MYH1: variants seen among roughly 807,000 people sequenced by gnomAD.
MYH1 encodes myosin heavy chain 1.
A neutral mutation model predicts 225.6 loss-of-function variants in MYH1; 214 were observed. The ratio of observed to expected loss-of-function variants is 0.95; its 90% CI spans 0.85 to 1.06. MYH1 has a LOEUF of 1.06. MYH1 is among the 50% of genes least tolerant of loss of function. The pLI, the probability that MYH1 is intolerant of heterozygous loss-of-function variation, is 0.00. For missense variants in MYH1, 2,098 were observed against 2,344.2 expected (o/e 0.89, Z 2.17); for synonymous variants, 774 against 842.3 (o/e 0.92, Z 1.40).
At chr17:10,515,360 A>G (rs1317801141) in intron 5 of MYH1, among the ~76,000 whole-genome samples, 3 of 152,226 alleles carry the variant, frequency 2.0e-5, no homozygotes, top group African/African-American at 7.2e-5. Context: ...ATGAGGTAAG[A>G]GAGGATGCCT....
In MYH1 at chr17:10,514,069, C is replaced by T; in HGVS notation, c.589G>A (p.Ala197Thr). ...VNTKRVIQYF[A>T]TIAVTGEKKK... ...TTCTCCCCAGTAACTGCAATTGTTGCAAAGTACTGGATGACACGCTTGGTG... is the reference window on the plus strand; with the variant it reads ...TTCTCCCCAGTAACTGCAATTGTTGTAAAGTACTGGATGACACGCTTGGTG... The change falls in exon 7 of 40, where the codon GCA becomes ACA. Residue 197 changes from alanine to threonine, a missense_variant. Physicochemically the swap from Ala to Thr is moderately conservative, Grantham distance 58. Transcript: ENST00000226207. The T allele has an allele frequency of 6.2e-7, 1 of 1,614,194 alleles. No individual in the cohort carries two copies. Among genetic ancestry groups the T allele is most frequent in the Non-Finnish European group, 8.5e-7 (1 of 1,180,012 alleles).
At position 10,501,027 on chromosome 17, in the gene MYH1, G is replaced by A. The variant is rs915716648; in HGVS notation, c.3738+83C>T. 8 of 1,569,080 alleles carry A rather than the reference G, an allele frequency of 5.1e-6. No individual in the cohort carries two copies. In the African/African-American group the frequency reaches 9.5e-5, roughly 19 times the overall value. On this transcript the variant is annotated intron_variant, in intron 27 of 39. Coordinates refer to ENST00000226207, the MANE Select transcript of MYH1 (RefSeq NM_005963.4). ...AAAAAGGGTGCCTGATTTAGTTCAT[G>A]AGACGTTTTTGAGATACAAATCATA...
In MYH1 at chr17:10,512,944, ACT is replaced by A; in HGVS notation, c.825_826del (p.Arg275SerfsTer8). On this transcript the variant is annotated frameshift_variant, in exon 10 of 40. Transcript: ENST00000226207. LOFTEE classifies it high-confidence loss of function. ...TCTTTCAGCCTTTAGCTGGAAAGTAACTCTAGACTTCTCCAGAAGATCTGCAA... is the reference window on the plus strand; with the variant it reads ...TCTTTCAGCCTTTAGCTGGAAAGTAACTAGACTTCTCCAGAAGATCTGCAA... The A allele has an allele frequency of 6.2e-7, 1 of 1,612,944 alleles. No individual in the cohort carries two copies. Among genetic ancestry groups the A allele is most frequent in the South Asian group, 1.1e-5 (1 of 91,018 alleles).
rs750549444 is a variant in MYH1 at position 10,503,053 on chromosome 17, G to C, written c.2887C>G (p.Leu963Val). 1 of 1,613,352 alleles carries C rather than the reference G, an allele frequency of 6.2e-7. No homozygotes were observed. Among genetic ancestry groups the C allele is most frequent in the African/African-American group, 1.3e-5 (1 of 74,858 alleles). Residue 963 changes from leucine (L) to valine (V), a missense_variant, in exon 23 of 40, where the codon CTG becomes GTG. Physicochemically the swap from Leu to Val is conservative, Grantham distance 32. Transcript: ENST00000226207. Reference protein sequence around the residue: ...ELKKDIDDLELTLAKVEKEKH... With the variant: ...ELKKDIDDLEVTLAKVEKEKH... The stretch of plus-strand genomic sequence containing the variant: ...TCCTTCTCAACCTTGGCCAGTGTCA[G>C]CTCAAGGTCATCAATGTCTTTCTTG...
chr17:10,504,935 T>C lies in MYH1; in HGVS notation c.2566A>G (p.Met856Val), dbSNP rs1392435608. The change falls in exon 22 of 40, where the codon ATG becomes GTG. Residue 856 changes from methionine to valine, a missense_variant. Transcript: ENST00000226207. ...SAETEKEMAN[M>V]KEEFEKTKEE... Reference sequence around the variant, plus strand: ...TTGGTTTTCTCAAATTCTTCCTTCATGTTGGCCATCTCCTTCTCTGTCTCT... The same window carrying C: ...TTGGTTTTCTCAAATTCTTCCTTCACGTTGGCCATCTCCTTCTCTGTCTCT... 1.9e-6 allele frequency: 3 copies of C among 1,614,158 alleles called. No individual in the cohort carries two copies. Among genetic ancestry groups the C allele is most frequent in the Non-Finnish European group, 2.5e-6 (3 of 1,180,004 alleles).
rs928040615 is a variant in MYH1 at position 10,505,481 on chromosome 17, A to G, written c.2205T>C (p.Pro735=). The G allele has an allele frequency of 2.5e-6, 4 of 1,614,092 alleles. No individual in the cohort carries two copies. The Admixed American group carries it at 5.0e-5, about 20-fold the overall frequency. The stretch of plus-strand genomic sequence containing the variant: ...TCTTGCTATCGATGAATTGTCCTTC[A>G]GGGATAGCACTTGCATTTAACACCT... The part of the protein sequence containing the change: ...RYKVLNASAI[P]EGQFIDSKKA... The change falls in exon 20 of 40, where the codon CCT becomes CCC. Residue 735 remains proline (P), a synonymous_variant. Transcript: ENST00000226207.
intron 5 of MYH1, 69 bp from the exon 6 acceptor site, chr17:10,514,964 A>C: frequency 7.4e-7 from 1 of 1,353,696 alleles, no homozygotes; most frequent in Non-Finnish European, 1.1e-6. Context: ...ATAGTGAAAC[A>C]GGGCATTTGA....
Position 10,492,508 on chromosome 17 carries a change from C to T in MYH1, c.5728G>A (p.Ala1910Thr), listed in dbSNP as rs199500054. The stretch of plus-strand genomic sequence containing the variant: ...TCAGCAATGTCAGCCCGTTCCTCGG[C>T]CTCCTCCAGCTCGTGCTGGATCCTG... Reference protein sequence around the residue: ...FRRIQHELEEAEERADIAESQ... With the variant: ...FRRIQHELEETEERADIAESQ... The change falls in exon 40 of 40, where the codon GCC (alanine) becomes ACC (threonine). Residue 1910 changes from alanine (A) to threonine (T), a missense_variant. Physicochemically the swap from Ala to Thr is moderately conservative, Grantham distance 58. Coordinates refer to ENST00000226207, the MANE Select transcript of MYH1 (RefSeq NM_005963.4). The T allele has an allele frequency of 5.8e-4, 932 of 1,614,154 alleles. 11 individuals carry two copies. Among genetic ancestry groups the T allele is most frequent in the Non-Finnish European group, 2.5e-5 (30 of 1,180,024 alleles).
In MYH1 at chr17:10,498,627, T is replaced by C; in HGVS notation, c.4180A>G (p.Lys1394Glu). 6.2e-7 allele frequency: 1 copy of C among 1,614,024 alleles called. No homozygotes were observed. The highest frequency in any genetic ancestry group is 8.5e-7 in the Non-Finnish European group (1 of 1,179,872). The change falls in exon 30 of 40, where the codon AAG becomes GAG. Residue 1394 changes from lysine (K) to glutamate (E), a missense_variant and splice_region_variant. By Grantham distance (56) the Lys-to-Glu change is moderately conservative (BLOSUM62 1). Transcript: ENST00000226207. ...IQRTEELEEA[K>E]KKLAQRLQDA... ...ATTTTAACTAAGTCTGGAACATACT[T>C]GGCCTCCTCCAGCTCCTCTGTGCGC...
At position 10,497,524 on chromosome 17, in the gene MYH1, C is replaced by T. The variant is rs1016266418; in HGVS notation, c.4366-72G>A. The T allele has an allele frequency of 3.2e-6, 5 of 1,540,874 alleles. No homozygotes were observed. The African/African-American group carries it at 5.6e-5, about 17-fold the overall frequency. ...GAGATAAAAACCATCTATTCTAGCA[C>T]CTCTCAGAGTTGAGGTGTTCTGGGA... On this transcript the variant is annotated intron_variant, in intron 31 of 39. Transcript: ENST00000226207.
chr17:10,498,857 T>C, intron 29 of MYH1, 35 bp from the exon 30 acceptor site: 12 of 1,611,002 alleles, frequency 7.4e-6, no homozygotes, highest in Non-Finnish European at 9.3e-6. Context: ...TAATTTTATA[T>C]ATTTAAAGTG....
In MYH1 at chr17:10,511,858, G is replaced by T; in HGVS notation, c.1397C>A (p.Ala466Asp). 1 of 1,614,204 alleles carries T rather than the reference G, an allele frequency of 6.2e-7. No homozygotes were observed. Among genetic ancestry groups the T allele is most frequent in the Non-Finnish European group, 8.5e-7 (1 of 1,180,020 alleles). Residue 466 changes from alanine to aspartate, a missense_variant, in exon 14 of 40, where the codon GCT becomes GAT. Ala to Asp is a moderately radical substitution (Grantham distance 126, BLOSUM62 -2). Coordinates refer to ENST00000226207, the MANE Select transcript of MYH1 (RefSeq NM_005963.4). ...RQYFIGVLDI[A>D]GFEIFDFNSL... ...ACTCACATCAAAGATCTCAAAGCCA[G>T]CAATGTCCAAGACCCCAATGAAGTA... is the stretch of plus-strand genomic sequence containing the variant.
At chr17:10,504,556 T>C (rs1219949419) in intron 22 of MYH1, among the ~76,000 whole-genome samples, 1 of 152,242 alleles carries the variant, frequency 6.6e-6, no homozygotes, top group Admixed American at 6.5e-5. Flanking sequence ...TTATTTCCTG[T>C]TCACATTCTG....
intron 30 of MYH1, 101 bp downstream of exon 30, chr17:10,498,525 A>G: frequency 6.7e-7 from 1 of 1,502,836 alleles, no homozygotes; most frequent in Non-Finnish European, 9.1e-7. Flanking sequence ...AATTCCAACA[A>G]TATGGCTGTA....
Position 10,501,337 on chromosome 17 carries a change from G to T in MYH1, c.3511C>A (p.Arg1171=), listed in dbSNP as rs192282019. ...CGCATTTTCTGGAACTCAGCCTCCC[G>T]CTTCTTGTTCATCTCAATCTGGGCT... ...TSAQIEMNKK[R]EAEFQKMRRD... is the part of the protein sequence containing the mutation. Residue 1171 remains arginine (R), a synonymous_variant, in exon 27 of 40, where the codon CGG becomes AGG. Coordinates refer to ENST00000226207, the MANE Select transcript of MYH1 (RefSeq NM_005963.4). 3 of 1,614,126 alleles carry T rather than the reference G, an allele frequency of 1.9e-6. No individual in the cohort carries two copies. The highest frequency in any genetic ancestry group is 3.3e-5 in the Admixed American group (2 of 60,030).
In MYH1 at chr17:10,511,976, C is replaced by G. The variant is rs2073174183; in HGVS notation, c.1279G>C (p.Val427Leu). Reference protein sequence around the residue: ...GQTVQQVYNAVGALAKAVYDK... With the variant: ...GQTVQQVYNALGALAKAVYDK... ...TAGACAGCTTTGGCCAGAGCACCCA[C>G]TGCATTGTACACCTTCACAGATAAA... The change falls in exon 14 of 40, where the codon GTG becomes CTG. Residue 427 changes from valine (V) to leucine (L), a missense_variant. Transcript: ENST00000226207. 6.2e-7 allele frequency: 1 copy of G among 1,614,046 alleles called. No individual in the cohort carries two copies. The highest frequency in any genetic ancestry group is 8.5e-7 in the Non-Finnish European group (1 of 1,180,036).
Position 10,503,223 on chromosome 17 carries a change from T to C in MYH1, c.2717A>G (p.Glu906Gly). Residue 906 changes from glutamate to glycine, a missense_variant, in exon 23 of 40, where the codon GAG (glutamate) becomes GGG (glycine). Transcript: ENST00000226207. ...TTTGATTAGCTGGTCACACCTTTCCTCTGCATCAGCCAAGCTGTCAGCTTC... is the reference window on the plus strand; with the variant it reads ...TTTGATTAGCTGGTCACACCTTTCCCCTGCATCAGCCAAGCTGTCAGCTTC... Reference protein sequence around the residue: ...QAEADSLADAEERCDQLIKTK... With the variant: ...QAEADSLADAGERCDQLIKTK... 1 of 1,614,202 alleles carries C rather than the reference T, an allele frequency of 6.2e-7. No homozygotes were observed. The highest frequency in any genetic ancestry group is 2.2e-5 in the East Asian group (1 of 44,880).
intron 2 of MYH1, among the ~76,000 whole-genome samples, chr17:10,517,773 C>CTATAAAA (rs2073243835): frequency 1.3e-5 from 2 of 151,996 alleles, no homozygotes; most frequent in Non-Finnish European, 2.9e-5. Flanking sequence ...AAACAACATG[C>CTATAAAA]AGTTAAGCAA....
Position 10,505,205 on chromosome 17 carries a change from C to G in MYH1, c.2393G>C (p.Gly798Ala). The change falls in exon 21 of 40, where the codon GGG becomes GCG. Residue 798 changes from glycine to alanine, a missense_variant. By Grantham distance (60) the Gly-to-Ala change is moderately conservative. Transcript: ENST00000226207. The part of the protein sequence containing the change: ...LITRTQAMCR[G>A]FLARVEYQKM... ...CTGGTACTCCACTCTTGCCAAGAAC[C>G]CTCTGCACATGGCCTGGGTTCGGGT... The G allele has an allele frequency of 3.1e-6, 5 of 1,614,180 alleles. No individual in the cohort carries two copies. Among genetic ancestry groups the G allele is most frequent in the Non-Finnish European group, 4.2e-6 (5 of 1,180,036 alleles).
Sources: gnomAD v4.1 joint callset for allele counts (sites outside exome capture counted in the v4.1 genomes callset) on GRCh38, gnomAD v4.1.1 for gene constraint, MANE v1.5 for transcripts, NCBI Gene and HGNC (gene_info 2026-07-23, HGNC 2026-07-21) for gene names.